The following SPAST variants were observed in gnomAD, a reference collection of about 807,000 sequenced individuals.
The protein encoded by SPAST is spastic paraplegia 4 (autosomal dominant; spastin).
Under a neutral mutation model 76.6 loss-of-function variants are expected in SPAST, and 30 were observed. The ratio of observed to expected loss-of-function variants is 0.39; its 90% CI spans 0.29 to 0.53. The LOEUF is 0.53. Among genes scored for constraint, SPAST ranks in the 20% least tolerant of loss-of-function variants. The pLI is 0.68. For synonymous variants in SPAST, 305 were observed against 281.0 expected, an observed-to-expected ratio of 1.09 and a Z score of -0.86; for missense variants, 717 against 770.5, an observed-to-expected ratio of 0.93 and a Z score of 0.82.
In SPAST at chr2:32,138,497, T is replaced by G. The variant is rs1478309682; in HGVS notation, c.1493+1309T>G. Among the ~76,000 whole-genome samples the G allele has an allele frequency of 5.3e-5, 8 of 152,192 alleles. No individual in the cohort carries two copies. The East Asian group carries it at 1.5e-3, about 29-fold the overall frequency. The stretch of plus-strand genomic sequence containing the variant: ...CGTATGTCTTTTGAGAAGTGTCTAT[T>G]CATTTCCTTTTTACCCATTTTTTAA... On this transcript the variant is annotated intron_variant, in intron 12 of 16. Coordinates refer to ENST00000315285, the MANE Select transcript of SPAST (RefSeq NM_014946.4).
At position 32,092,734 on chromosome 2, in the gene SPAST, G is replaced by A. The variant is rs983480223; in HGVS notation, c.586+3129G>A. On this transcript the variant is annotated intron_variant, in intron 3 of 16. Transcript: ENST00000315285. ...ATGGGAAAGGTGACATCGGCTGGGC[G>A]CGGTGGCTCACACCTATAATCCCAG... 1.3e-4 allele frequency among the ~76,000 whole-genome samples: 20 copies of A among 152,072 alleles called. 1 individual carries two copies. Among genetic ancestry groups the A allele is most frequent in the South Asian group, 4.1e-4 (2 of 4,820 alleles).
intron 3 of SPAST, among the ~76,000 whole-genome samples, chr2:32,094,842 G>C (rs1558309758): frequency 6.6e-6 from 1 of 152,208 alleles, no homozygotes; most frequent in Admixed American, 6.5e-5. Context: ...TGGTGGCCAT[G>C]CTTGTAATCC....
intron 16 of SPAST, among the ~76,000 whole-genome samples, chr2:32,153,379 A>G (rs1048600400): frequency 1.2e-4 from 17 of 141,200 alleles, no homozygotes; most frequent in African/African-American, 4.3e-4. Context: ...CTGGAGTGCA[A>G]TGGCACGATC....
chr2:32,127,835 T>A (rs1052093426), intron 8 of SPAST: 4 of 152,328 alleles, frequency 2.6e-5, no homozygotes, highest in Non-Finnish European at 5.9e-5. Context: ...AGAATAACAC[T>A]GTCTCTCTTT....
At chr2:32,142,164 C>T (rs1679741824) in intron 13 of SPAST, among the ~76,000 whole-genome samples, 1 of 152,082 alleles carries the variant, frequency 6.6e-6, no homozygotes, top group Admixed American at 6.5e-5. Flanking sequence ...AAGACTTGTA[C>T]AAGAATTTTT....
intron 12 of SPAST, among the ~76,000 whole-genome samples, chr2:32,140,951 T>G (rs1188343884): frequency 4.0e-5 from 6 of 149,200 alleles, no homozygotes; most frequent in African/African-American, 7.4e-5. Context: ...TTGTTTTTTT[T>G]TTTTTTTTTT....
intron 1 of SPAST, among the ~76,000 whole-genome samples, chr2:32,077,432 C>A (rs1677010282): frequency 6.6e-6 from 1 of 152,090 alleles, no homozygotes; most frequent in Non-Finnish European, 1.5e-5. Flanking sequence ...AATAAAGATA[C>A]TAAAAGTAGT....
chr2:32,084,560 A>C (rs1677393548), intron 1 of SPAST, among the ~76,000 whole-genome samples: 1 of 151,954 alleles, frequency 6.6e-6, no homozygotes, highest in Admixed American at 6.6e-5. Flanking sequence ...ATGTTGAAAA[A>C]CTGGAAACAA....
chr2:32,064,535 A>G (rs1676433000), intron 1 of SPAST, among the ~76,000 whole-genome samples: 1 of 152,208 alleles, frequency 6.6e-6, no homozygotes, highest in Non-Finnish European at 1.5e-5. Flanking sequence ...TGTTGATGAC[A>G]GTGACATTTG....
chr2:32,082,413 C>A (rs1468055583), intron 1 of SPAST, among the ~76,000 whole-genome samples: 1 of 151,922 alleles, frequency 6.6e-6, no homozygotes, highest in African/African-American at 2.4e-5. Flanking sequence ...AAAATCAGAT[C>A]TGCTGGGCAC....
At position 32,154,771 on chromosome 2, in the gene SPAST, C is replaced by T; in HGVS notation, c.*275C>T. 1 of 410,652 alleles carries T rather than the reference C, an allele frequency of 2.4e-6. No individual in the cohort carries two copies. The highest frequency in any genetic ancestry group is 2.7e-5 in the South Asian group (1 of 36,534). 25.4% of individuals were successfully genotyped at this position (410,652 alleles called of 1,614,324 possible). A position where few individuals can be genotyped will look rare whatever the true frequency, so the allele number is the denominator to read the frequency against. On this transcript the variant is annotated 3_prime_UTR_variant, in exon 17 of 17. Transcript: ENST00000315285. ...CACAACAAAACCTGATTCTGGTCTT[C>T]TTTACCAATATAATCATAATGTAAA...
intron 16 of SPAST, among the ~76,000 whole-genome samples, chr2:32,148,051 A>T (rs773715656): frequency 6.7e-6 from 1 of 149,214 alleles, no homozygotes; most frequent in Non-Finnish European, 1.5e-5. Flanking sequence ...TCTTGTCTCA[A>T]ACTTTTTAGT....
At chr2:32,134,783 A>G (rs1329354605) in intron 9 of SPAST, among the ~76,000 whole-genome samples, 1 of 151,434 alleles carries the variant, frequency 6.6e-6, no homozygotes, top group Non-Finnish European at 1.5e-5. Context: ...GCAACCTCCA[A>G]CTCTCAGGTT....
At chr2:32,097,493 T>C (rs1677959778) in intron 3 of SPAST, among the ~76,000 whole-genome samples, 1 of 152,162 alleles carries the variant, frequency 6.6e-6, no homozygotes, top group Non-Finnish European at 1.5e-5. Context: ...TGTGCACATG[T>C]ATGTTTACAC....
chr2:32,154,425 C>T lies in SPAST; in HGVS notation c.1780C>T (p.Arg594Cys), dbSNP rs1680185992. 6.8e-6 allele frequency: 11 copies of T among 1,612,012 alleles called. No homozygotes were observed. Among genetic ancestry groups the T allele is most frequent in the East Asian group, 2.2e-5 (1 of 44,794 alleles). The change falls in exon 17 of 17, where the codon CGC (arginine) becomes TGC (cysteine). Residue 594 changes from arginine to cysteine, a missense_variant. Arg to Cys is a radical substitution (Grantham distance 180). Coordinates refer to ENST00000315285, the MANE Select transcript of SPAST (RefSeq NM_014946.4). Reference sequence around the variant, plus strand: ...CACTGAATCCTTGAAAAAAATAAAACGCAGCGTCAGCCCTCAAACTTTAGA... The same window carrying T: ...CACTGAATCCTTGAAAAAAATAAAATGCAGCGTCAGCCCTCAAACTTTAGA... Reference protein sequence around the residue: ...DFTESLKKIKRSVSPQTLEAY... With the variant: ...DFTESLKKIKCSVSPQTLEAY...
chr2:32,098,504 C>G (rs1311443194), intron 3 of SPAST, among the ~76,000 whole-genome samples: 2 of 152,108 alleles, frequency 1.3e-5, no homozygotes, highest in Non-Finnish European at 2.9e-5. Flanking sequence ...ATTAGATATT[C>G]AGTAAATATT....
chr2:32,125,310 G>A (rs997371244), intron 7 of SPAST, among the ~76,000 whole-genome samples: 4 of 151,780 alleles, frequency 2.6e-5, no homozygotes, highest in African/African-American at 7.3e-5. Flanking sequence ...TGAAACCTCC[G>A]CCTCCAGGGT....
At chr2:32,071,803 T>G (rs1252122571) in intron 1 of SPAST, among the ~76,000 whole-genome samples, 1 of 152,166 alleles carries the variant, frequency 6.6e-6, no homozygotes, top group Non-Finnish European at 1.5e-5. Context: ...AGGTTTTTAT[T>G]GTACAGATGA....
In SPAST at chr2:32,128,613, T is replaced by G. The variant is rs1308541678; in HGVS notation, c.1245+134T>G. The stretch of plus-strand genomic sequence containing the variant: ...TATTGTATCTATTATTTACATATGA[T>G]GAATATCTATCTTCAGAGTAGAAAG... On this transcript the variant is annotated intron_variant, in intron 9 of 16. Transcript: ENST00000315285. 4.4e-6 allele frequency: 3 copies of G among 688,158 alleles called. No homozygotes were observed. The African/African-American group carries it at 5.3e-5, about 12-fold the overall frequency. The allele number at this position is 688,158 out of a possible 1,614,324, so 42.6% of individuals were successfully genotyped here.
Sources: gnomAD v4.1 joint callset for allele counts (sites outside exome capture counted in the v4.1 genomes callset) on GRCh38, gnomAD v4.1.1 for gene constraint, MANE v1.5 for transcripts, NCBI Gene and HGNC (gene_info 2026-07-23, HGNC 2026-07-21) for gene names.